MAGI2: variants seen among roughly 807,000 people sequenced by gnomAD.
MAGI2 encodes membrane associated guanylate kinase, WW and PDZ domain containing 2, also known as membrane-associated guanylate kinase, WW and PDZ domain-containing protein 2.
A neutral mutation model predicts 133.3 loss-of-function variants in MAGI2; 35 were observed. The observed-to-expected ratio is 0.26, with a 90% confidence interval of 0.20 to 0.35. MAGI2 has a LOEUF of 0.35. Ranked by LOEUF, MAGI2 falls within the 10% of genes least tolerant of loss-of-function variation. The pLI is 1.00. For missense variants in MAGI2, 1,636 were observed against 1,863.4 expected (o/e 0.88, Z 2.25); for synonymous variants, 729 against 710.6 (o/e 1.03, Z -0.41).
chr7:78,956,693 A>G (rs890678803), intron 2 of MAGI2, among the ~76,000 whole-genome samples: 2 of 152,182 alleles, frequency 1.3e-5, no homozygotes, highest in African/African-American at 4.8e-5. Context: ...TCATATTTGT[A>G]AAACAAAGAG....
chr7:78,756,291 C>T (rs1207880), intron 2 of MAGI2, among the ~76,000 whole-genome samples: 146,142 of 152,332 alleles, frequency 0.96, 70,127 homozygotes, highest in East Asian at 1. Flanking sequence ...ACTGTAATTA[C>T]TGCAAAGACT....
At chr7:78,586,622 A>G (rs921788916) in intron 3 of MAGI2, among the ~76,000 whole-genome samples, 13 of 152,166 alleles carry the variant, frequency 8.5e-5, no homozygotes, top group Non-Finnish European at 1.0e-4. Flanking sequence ...TATACTATTC[A>G]GTGACATTAA....
chr7:78,436,806 T>C (rs1207625535), intron 6 of MAGI2, among the ~76,000 whole-genome samples: 2 of 152,166 alleles, frequency 1.3e-5, no homozygotes, highest in Non-Finnish European at 2.9e-5. Flanking sequence ...CAAGCTGGCC[T>C]GTCCTCAGAA....
intron 6 of MAGI2, among the ~76,000 whole-genome samples, chr7:78,456,288 A>T (rs1262798099): frequency 6.6e-6 from 1 of 152,062 alleles, no homozygotes; most frequent in South Asian, 2.1e-4. Context: ...AAGGCTTTTT[A>T]TAAGTTTGTG....
intron 3 of MAGI2, among the ~76,000 whole-genome samples, chr7:78,608,306 T>C (rs1165456089): frequency 6.6e-6 from 1 of 152,134 alleles, no homozygotes. Flanking sequence ...TACCCTTCCA[T>C]GCCTTCCCCT....
At chr7:79,127,456 C>T (rs1354593211) in intron 1 of MAGI2, among the ~76,000 whole-genome samples, 1 of 152,078 alleles carries the variant, frequency 6.6e-6, no homozygotes, top group Non-Finnish European at 1.5e-5. Flanking sequence ...TCCTCTCCAG[C>T]ACCTGTTGTT....
At chr7:78,417,713 T>C (rs565210112) in intron 6 of MAGI2, among the ~76,000 whole-genome samples, 4 of 152,178 alleles carry the variant, frequency 2.6e-5, no homozygotes, top group Admixed American at 6.5e-5. Context: ...GGACAGATAT[T>C]ACTGTGCTTA....
intron 1 of MAGI2, among the ~76,000 whole-genome samples, chr7:79,236,345 C>A (rs1675336170): frequency 6.6e-6 from 1 of 152,114 alleles, no homozygotes; most frequent in Admixed American, 6.5e-5. Context: ...GACCAGTTAG[C>A]CTGGGGTTCT....
At chr7:79,028,283 ATATATATATGTGTG>A (rs1379111414) in intron 1 of MAGI2, among the ~76,000 whole-genome samples, 70 of 54,266 alleles carry the variant, frequency 1.3e-3, no homozygotes, top group African/African-American at 4.3e-3. Context: ...GTATGTATAT[ATATATATATGTGTG>A]TATATATATA....
intron 1 of MAGI2, chr7:79,125,500 G>T: frequency 1.9e-6 from 1 of 513,536 alleles, no homozygotes. Flanking sequence ...CAGACGCTAT[G>T]GAAGTGGTGG....
At chr7:78,749,135 T>G (rs937716806) in intron 2 of MAGI2, among the ~76,000 whole-genome samples, 4 of 152,176 alleles carry the variant, frequency 2.6e-5, no homozygotes, top group Non-Finnish European at 1.5e-5. Flanking sequence ...GATGCCAATG[T>G]TCAGAGAAGA....
chr7:78,175,646 T>G (rs1404984575), intron 14 of MAGI2, among the ~76,000 whole-genome samples: 1 of 152,136 alleles, frequency 6.6e-6, no homozygotes, highest in Admixed American at 6.5e-5. Context: ...TGTTTAAAGT[T>G]GGGGTGGTCT....
chr7:78,756,369 T>C (rs536307495), intron 2 of MAGI2, among the ~76,000 whole-genome samples: 1 of 152,332 alleles, frequency 6.6e-6, no homozygotes, highest in South Asian at 2.1e-4. Flanking sequence ...TGTGGATTAA[T>C]AACAACACAC....
chr7:79,128,373 T>C (rs1199561273), intron 1 of MAGI2, among the ~76,000 whole-genome samples: 4 of 152,340 alleles, frequency 2.6e-5, no homozygotes, highest in East Asian at 3.9e-4. Flanking sequence ...CAAAGTAGTG[T>C]GTTTTTGCCA....
At chr7:78,264,677 T>C (rs1461985835) in intron 9 of MAGI2, among the ~76,000 whole-genome samples, 1 of 152,190 alleles carries the variant, frequency 6.6e-6, no homozygotes, top group Non-Finnish European at 1.5e-5. Flanking sequence ...CTAGTATAAA[T>C]TGTTTCAATA....
chr7:79,147,940 T>A (rs1251318719), intron 1 of MAGI2, among the ~76,000 whole-genome samples: 1 of 152,146 alleles, frequency 6.6e-6, no homozygotes, highest in African/African-American at 2.4e-5. Context: ...TCGTATCCAC[T>A]GACATAAATT....
intron 6 of MAGI2, among the ~76,000 whole-genome samples, chr7:78,460,423 A>C (rs1780400829): frequency 6.6e-6 from 1 of 152,234 alleles, no homozygotes; most frequent in African/African-American, 2.4e-5. Context: ...GAAAATTCTA[A>C]CTCAGATTTC....
At chr7:78,291,034 A>G (rs189515457) in intron 9 of MAGI2, among the ~76,000 whole-genome samples, 1 of 152,344 alleles carries the variant, frequency 6.6e-6, no homozygotes, top group Admixed American at 6.5e-5. Flanking sequence ...GAGCTAGAGA[A>G]GCAAGAGCAA....
intron 4 of MAGI2, among the ~76,000 whole-genome samples, chr7:78,516,179 C>T (rs562068602): frequency 9.8e-4 from 149 of 152,182 alleles, no homozygotes; most frequent in Non-Finnish European, 1.7e-3. Flanking sequence ...AAATGTTTTG[C>T]GTGTGTAGTG....
Sources: gnomAD v4.1 joint callset for allele counts (sites outside exome capture counted in the v4.1 genomes callset) on GRCh38, gnomAD v4.1.1 for gene constraint, MANE v1.5 for transcripts, NCBI Gene and HGNC (gene_info 2026-07-23, HGNC 2026-07-21) for gene names.